The following TOP1 variants were observed in gnomAD, a reference collection of about 807,000 sequenced individuals.
TOP1 encodes DNA topoisomerase I.
TOP1 carries 10 observed loss-of-function variants against 111.1 expected under a neutral mutation model. The observed-to-expected ratio is 0.09, with a 90% CI of 0.06 to 0.15. The LOEUF is 0.15. Ranked by LOEUF, TOP1 falls within the 10% of genes least tolerant of loss-of-function variation. The probability of loss-of-function intolerance (pLI) is 1.00; values close to 1 mark genes in which losing one functional copy is unlikely to be tolerated. For missense variants in TOP1, 474 were observed against 926.7 expected, an observed-to-expected ratio of 0.51 and a Z score of 6.34; for synonymous variants, 271 against 302.9, an observed-to-expected ratio of 0.89 and a Z score of 1.10.
At position 41,122,623 on chromosome 20, in the gene TOP1, C is replaced by T. The variant is rs541718599; in HGVS notation, c.2195+468C>T. Among the ~76,000 whole-genome samples the T allele has an allele frequency of 1.8e-4, 27 of 152,338 alleles. No homozygotes were observed. The highest frequency in any genetic ancestry group is 3.4e-3 in the Middle Eastern group (1 of 294). ...GACCTTTAACAAAAGCAGATAAATACTAGGTTTCTCTGTGTGTCACACACA... is the reference window on the plus strand; with the variant it reads ...GACCTTTAACAAAAGCAGATAAATATTAGGTTTCTCTGTGTGTCACACACA... On this transcript the variant is annotated intron_variant, in intron 20 of 20. Coordinates refer to ENST00000361337, the MANE Select transcript of TOP1 (RefSeq NM_003286.4). This position sits in a 1 kb window ranked among gnomAD's most constrained non-coding sequence, Gnocchi z 5.4.
rs16989561 is a variant in TOP1, at chr20:41,114,610, G to A, written c.1638+455G>A. 0.021 allele frequency among the ~76,000 whole-genome samples: 3,128 copies of A among 152,254 alleles called. 98 individuals carry two copies. Among genetic ancestry groups the A allele is most frequent in the African/African-American group, 0.071 (2,930 of 41,526 alleles). On this transcript the variant is annotated intron_variant, in intron 15 of 20. Transcript: ENST00000361337. The surrounding 1 kb of genome is among the most constrained non-coding windows in gnomAD (Gnocchi z 4.5). ...GGCCCTTAGAGCAAACTCAGCATAT[G>A]ATTTAACTATATCTTAGTATCCCCT... is the stretch of plus-strand genomic sequence containing the variant.
chr20:41,064,786 T>C (rs1420775124), intron 3 of TOP1, among the ~76,000 whole-genome samples: 5 of 152,150 alleles, frequency 3.3e-5, no homozygotes, highest in African/African-American at 1.2e-4. Flanking sequence ...TAATAATTAT[T>C]ATATTTAATT....
chr20:41,029,433 C>A lies in TOP1; in HGVS notation c.36C>A (p.Ile12=), dbSNP rs772450250. ...SGDHLHNDSQ[I]EADFRLNDSH... ...ATTCTCTCCTTTTCTTTTTCCAGAT[C>A]GAAGCGGATTTCCGATTGAATGGTG... Residue 12 remains isoleucine, a splice_region_variant and synonymous_variant, in exon 2 of 21, where the codon ATC becomes ATA. Transcript: ENST00000361337. This position sits in a 1 kb window ranked among gnomAD's most constrained non-coding sequence, Gnocchi z 6.1. The A allele has an allele frequency of 2.0e-6, 3 of 1,490,602 alleles. No homozygotes were observed. Among genetic ancestry groups the A allele is most frequent in the Non-Finnish European group, 1.8e-6 (2 of 1,118,728 alleles). 92.3% of individuals were successfully genotyped at this position (1,490,602 alleles called of 1,614,324 possible).
intron 2 of TOP1, among the ~76,000 whole-genome samples, chr20:41,053,901 G>C (rs1321074534): frequency 6.6e-6 from 1 of 152,066 alleles, no homozygotes; most frequent in East Asian, 1.9e-4. Flanking sequence ...GCATGGGATT[G>C]CTGGGTTTAA....
chr20:41,092,769 A>G lies in TOP1; in HGVS notation c.730+182A>G, dbSNP rs1000850997. 6.6e-6 allele frequency among the ~76,000 whole-genome samples: 1 copy of G among 152,196 alleles called. No homozygotes were observed. The highest frequency in any genetic ancestry group is 1.5e-5 in the Non-Finnish European group (1 of 68,024). ...ACTCTTAAAGGCTCATTTGCTGCTG[A>G]AAAAGTGCCATGGAAAAGGGGCTAT... On this transcript the variant is annotated intron_variant, in intron 9 of 20. Coordinates refer to ENST00000361337, the MANE Select transcript of TOP1 (RefSeq NM_003286.4). The surrounding 1 kb of genome is among the most constrained non-coding windows in gnomAD (Gnocchi z 4.3).
rs2033093873 is a variant in TOP1 at position 41,029,756 on chromosome 20, G to A, written c.58+301G>A. Reference sequence around the variant, plus strand: ...CGGGAAAGTCGCCTTGTCGACGGTCGGGACTTAGTCTCTGCGCCATTTTCT... The same window carrying A: ...CGGGAAAGTCGCCTTGTCGACGGTCAGGACTTAGTCTCTGCGCCATTTTCT... On this transcript the variant is annotated intron_variant, in intron 2 of 20. Transcript: ENST00000361337. The surrounding 1 kb of genome is among the most constrained non-coding windows in gnomAD (Gnocchi z 6.1). 1 of 502,242 alleles carries A rather than the reference G, an allele frequency of 2.0e-6. No homozygotes were observed. Among genetic ancestry groups the A allele is most frequent in the Admixed American group, 3.9e-5 (1 of 25,796 alleles). The allele number at this position is 502,242 out of a possible 1,614,324, so 31.1% of individuals were successfully genotyped here.
chr20:41,041,886 GTGATGA>G (rs112066961), intron 2 of TOP1, among the ~76,000 whole-genome samples: 1 of 149,556 alleles, frequency 6.7e-6, no homozygotes, highest in South Asian at 2.1e-4. Context: ...AGCTTACAGG[GTGATGA>G]TGATGATGAT....
chr20:41,122,740 C>T lies in TOP1; in HGVS notation c.2196-455C>T, dbSNP rs1306030239. On this transcript the variant is annotated intron_variant, in intron 20 of 20. Transcript: ENST00000361337. This position sits in a 1 kb window ranked among gnomAD's most constrained non-coding sequence, Gnocchi z 5.4. ...TGAGCATAGGTGGAGATATCCTCCC[C>T]TATGGCACTTGCTAGTCCGGGCTAA... 6.6e-6 allele frequency among the ~76,000 whole-genome samples: 1 copy of T among 152,226 alleles called. No individual in the cohort carries two copies. Among genetic ancestry groups the T allele is most frequent in the Non-Finnish European group, 1.5e-5 (1 of 68,042 alleles).
intron 2 of TOP1, among the ~76,000 whole-genome samples, chr20:41,040,616 A>G (rs533182471): frequency 6.6e-6 from 1 of 152,098 alleles, no homozygotes; most frequent in African/African-American, 2.4e-5. Context: ...TGGAAATTTG[A>G]TTTTTAAAAA....
intron 8 of TOP1, among the ~76,000 whole-genome samples, chr20:41,086,752 A>G (rs2033853998): frequency 6.6e-6 from 1 of 152,230 alleles, no homozygotes. Context: ...GTCTTTAACT[A>G]AAAGTTGTTT....
rs1389001910 is a variant in TOP1, at chr20:41,109,352, G to T, written c.1309-3430G>T. 6.6e-6 allele frequency among the ~76,000 whole-genome samples: 1 copy of T among 152,104 alleles called. No homozygotes were observed. The highest frequency in any genetic ancestry group is 2.4e-5 in the African/African-American group (1 of 41,428). On this transcript the variant is annotated intron_variant, in intron 13 of 20. Transcript: ENST00000361337. This position sits in a 1 kb window ranked among gnomAD's most constrained non-coding sequence, Gnocchi z 4.1. ...ATTAGTAAGACTAACATAGACCTAAGTGTGAAGACTAAAATATTAAAGCTT... is the reference window on the plus strand; with the variant it reads ...ATTAGTAAGACTAACATAGACCTAATTGTGAAGACTAAAATATTAAAGCTT...
At chr20:41,113,541 A>G (rs1482345660) in intron 14 of TOP1, among the ~76,000 whole-genome samples, 4 of 152,114 alleles carry the variant, frequency 2.6e-5, no homozygotes, top group Non-Finnish European at 4.4e-5. Flanking sequence ...TGTGGCTTCA[A>G]ACAGAATTGG....
chr20:41,064,884 G>A (rs1190335792), intron 3 of TOP1, among the ~76,000 whole-genome samples: 7 of 151,780 alleles, frequency 4.6e-5, no homozygotes, highest in Non-Finnish European at 8.8e-5. Flanking sequence ...GGGGTGGGGC[G>A]GGGGGCTGGT....
At chr20:41,088,381 C>T (rs2033873491) in intron 8 of TOP1, among the ~76,000 whole-genome samples, 3 of 152,106 alleles carry the variant, frequency 2.0e-5, no homozygotes, top group Non-Finnish European at 2.9e-5. Flanking sequence ...GGGCACCTGT[C>T]GTCCCCAGGT....
chr20:41,091,268 G>A (rs73259884), intron 8 of TOP1, among the ~76,000 whole-genome samples: 10,563 of 152,106 alleles, frequency 0.069, 1,108 homozygotes, highest in African/African-American at 0.23. Context: ...TTATCTATTC[G>A]AGTAAAAGAA....
intron 2 of TOP1, among the ~76,000 whole-genome samples, chr20:41,031,116 CTG>C (rs1436821745): frequency 1.3e-5 from 2 of 152,080 alleles, no homozygotes; most frequent in East Asian, 1.9e-4. Context: ...TTGTGGAAGA[CTG>C]GGCGCAGAGA....
chr20:41,063,293 G>A (rs1270255399), intron 3 of TOP1, among the ~76,000 whole-genome samples: 1 of 152,186 alleles, frequency 6.6e-6, no homozygotes, highest in African/African-American at 2.4e-5. Context: ...TGACCGTATA[G>A]TATTCCGTGG....
chr20:41,040,240 T>C (rs1186312834), intron 2 of TOP1, among the ~76,000 whole-genome samples: 1 of 152,244 alleles, frequency 6.6e-6, no homozygotes. Context: ...CAGAGAAAGA[T>C]GCAGAGTACA....
rs2033160633 is a variant in TOP1 at position 41,034,507 on chromosome 20, G to A, written c.58+5052G>A. On this transcript the variant is annotated intron_variant, in intron 2 of 20. Transcript: ENST00000361337. This position sits in a 1 kb window ranked among gnomAD's most constrained non-coding sequence, Gnocchi z 4.0. ...AGGGTGGAGAGGGATGTAAATGAGG[G>A]CAGGGTGGACAAAGTTTGATTGGGG... 6.6e-6 allele frequency among the ~76,000 whole-genome samples: 1 copy of A among 152,206 alleles called. No individual in the cohort carries two copies. Among genetic ancestry groups the A allele is most frequent in the African/African-American group, 2.4e-5 (1 of 41,442 alleles).
Sources: gnomAD v4.1 joint callset for allele counts (sites outside exome capture counted in the v4.1 genomes callset) on GRCh38, gnomAD v4.1.1 for gene constraint, Gnocchi (gnomAD v3.1) non-coding constraint, MANE v1.5 for transcripts, NCBI Gene and HGNC (gene_info 2026-07-23, HGNC 2026-07-21) for gene names.